GALNT13: variants seen among roughly 807,000 people sequenced by gnomAD.
GALNT13 encodes polypeptide N-acetylgalactosaminyltransferase 13.
A neutral mutation model predicts 64.2 loss-of-function variants in GALNT13; 28 were observed. The observed-to-expected ratio is 0.44, with a 90% CI of 0.32 to 0.60. GALNT13 has a LOEUF of 0.60. Among genes scored for constraint, GALNT13 ranks in the 20% least tolerant of loss-of-function variants. GALNT13 has a pLI of 0.05. For missense variants in GALNT13, 577 were observed against 669.8 expected (o/e 0.86, Z 1.53); for synonymous variants, 214 against 224.6 (o/e 0.95, Z 0.42).
the GALNT13 span, among the ~76,000 whole-genome samples, chr2:153,166,621 A>ATGTGTGTGTG: frequency 0.03 from 3,662 of 122,652 alleles, 139 homozygotes; most frequent in African/African-American, 0.047. Flanking sequence ...TGCCTACTGC[A>ATGTGTGTGTG]TGTGTGTGTG....
the GALNT13 span, among the ~76,000 whole-genome samples, chr2:153,464,007 A>C: frequency 6.6e-6 from 1 of 152,042 alleles, no homozygotes; most frequent in African/African-American, 2.4e-5. Flanking sequence ...AGTAGACTAG[A>C]CAAACAAGTG....
At chr2:154,349,770 G>A (rs533839585) in intron 9 of GALNT13, among the ~76,000 whole-genome samples, 1 of 152,234 alleles carries the variant, frequency 6.6e-6, no homozygotes, top group South Asian at 2.1e-4. Flanking sequence ...CTAAATCTCT[G>A]GACACTGATA....
chr2:154,140,874 A>G (rs1279052168), intron 4 of GALNT13, among the ~76,000 whole-genome samples: 1 of 152,116 alleles, frequency 6.6e-6, no homozygotes, highest in African/African-American at 2.4e-5. Context: ...TCTGGAAAAT[A>G]TGTCATTAGG....
chr2:153,400,378 A>G, the GALNT13 span, among the ~76,000 whole-genome samples: 1 of 152,140 alleles, frequency 6.6e-6, no homozygotes, highest in Admixed American at 6.6e-5. Flanking sequence ...ATATTGGTCT[A>G]AAATTCTCTT....
chr2:154,199,727 G>A (rs1216035036), intron 4 of GALNT13, among the ~76,000 whole-genome samples: 1 of 151,936 alleles, frequency 6.6e-6, no homozygotes, highest in Non-Finnish European at 1.5e-5. Context: ...TAAAACTGGA[G>A]ATTGTAATAC....
the GALNT13 span, among the ~76,000 whole-genome samples, chr2:153,778,221 G>A: frequency 6.6e-6 from 1 of 152,094 alleles, no homozygotes; most frequent in Non-Finnish European, 1.5e-5. Context: ...TGCTCCTCTC[G>A]ACATCCAGCC....
chr2:153,185,951 A>G, the GALNT13 span, among the ~76,000 whole-genome samples: 1 of 151,396 alleles, frequency 6.6e-6, no homozygotes, highest in Non-Finnish European at 1.5e-5. Flanking sequence ...TGGGTTGGAG[A>G]GTTCTGTAGA....
chr2:154,206,060 C>G (rs991423782), intron 4 of GALNT13, among the ~76,000 whole-genome samples: 8 of 151,832 alleles, frequency 5.3e-5, no homozygotes, highest in Non-Finnish European at 8.8e-5. Flanking sequence ...TGCAGTGGTG[C>G]GATCTCGGCT....
At chr2:154,300,880 G>A (rs1030902019) in intron 8 of GALNT13, among the ~76,000 whole-genome samples, 1 of 152,126 alleles carries the variant, frequency 6.6e-6, no homozygotes, top group African/African-American at 2.4e-5. Flanking sequence ...AAATGATCTT[G>A]GTGAAGATGA....
the GALNT13 span, among the ~76,000 whole-genome samples, chr2:153,327,305 C>T: frequency 1.3e-5 from 2 of 152,026 alleles, no homozygotes; most frequent in African/African-American, 2.4e-5. Flanking sequence ...CAAGGAGTAT[C>T]TTTGTGGTGT....
the GALNT13 span, among the ~76,000 whole-genome samples, chr2:153,086,147 TG>T: frequency 1.1e-4 from 16 of 152,220 alleles, no homozygotes; most frequent in Non-Finnish European, 1.9e-4. Flanking sequence ...TGTACTCTAT[TG>T]TATCTGGGAA....
chr2:153,253,793 T>C, the GALNT13 span, among the ~76,000 whole-genome samples: 5 of 151,120 alleles, frequency 3.3e-5, no homozygotes, highest in African/African-American at 7.3e-5. Flanking sequence ...GTATATTGAA[T>C]CAGCCCTGCA....
the GALNT13 span, among the ~76,000 whole-genome samples, chr2:153,765,051 C>A: frequency 6.6e-6 from 1 of 152,198 alleles, no homozygotes; most frequent in Non-Finnish European, 1.5e-5. Context: ...AGATGTGCTG[C>A]GGGGACGTAG....
At chr2:154,028,126 A>T (rs1198977989) in intron 3 of GALNT13, among the ~76,000 whole-genome samples, 1 of 152,168 alleles carries the variant, frequency 6.6e-6, no homozygotes, top group Admixed American at 6.6e-5. Context: ...GAGGGCATTT[A>T]GCATACTGAT....
At chr2:153,747,921 T>TA in the GALNT13 span, among the ~76,000 whole-genome samples, 14 of 152,206 alleles carry the variant, frequency 9.2e-5, no homozygotes, top group African/African-American at 3.4e-4. Context: ...TATCTGTTGT[T>TA]AGACACTTAG....
At chr2:154,000,930 C>T (rs973353704) in intron 3 of GALNT13, among the ~76,000 whole-genome samples, 4 of 151,884 alleles carry the variant, frequency 2.6e-5, no homozygotes, top group African/African-American at 4.8e-5. Flanking sequence ...CAATCTCTCC[C>T]TTTAGGTCTA....
At chr2:154,430,077 T>C (rs1476367170) in intron 11 of GALNT13, among the ~76,000 whole-genome samples, 1 of 152,222 alleles carries the variant, frequency 6.6e-6, no homozygotes, top group Admixed American at 6.5e-5. Flanking sequence ...AGGAGATTAA[T>C]GTTTTCATGT....
chr2:153,423,105 A>T, the GALNT13 span, among the ~76,000 whole-genome samples: 1 of 152,068 alleles, frequency 6.6e-6, no homozygotes, highest in East Asian at 1.9e-4. Context: ...TTGATATAAA[A>T]ATAATAGCTT....
At chr2:153,462,728 T>C in the GALNT13 span, among the ~76,000 whole-genome samples, 4 of 152,256 alleles carry the variant, frequency 2.6e-5, no homozygotes, top group East Asian at 5.8e-4. Context: ...CCCAAAGGAA[T>C]TGAAACTTTG....
Sources: allele counts gnomAD v4.1 joint callset (sites outside exome capture counted in the v4.1 genomes callset), GRCh38; gene constraint gnomAD v4.1.1; transcripts MANE v1.5; gene names NCBI Gene and HGNC (gene_info 2026-07-23, HGNC 2026-07-21).